SLC27A1: variants seen among roughly 807,000 people sequenced by gnomAD.
SLC27A1 encodes the protein long-chain fatty acid transport protein 1.
In SLC27A1, 61 loss-of-function variants were observed where a neutral mutation model predicts 62.2. The ratio of observed to expected loss-of-function variants is 0.98; its 90% CI spans 0.80 to 1.21. The LOEUF (loss-of-function observed/expected upper bound fraction) is 1.21, where lower values mean the gene tolerates loss of function less well. Ranked by LOEUF, SLC27A1 falls within the 50% of genes most tolerant of loss-of-function variation. SLC27A1 has a pLI of 0.00. For missense variants in SLC27A1, 903 were observed against 932.1 expected (o/e 0.97, Z 0.41); for synonymous variants, 435 against 408.6 (o/e 1.06, Z -0.78).
intron 7 of SLC27A1, 161 bp downstream of exon 7, chr19:17,497,625 C>A: frequency 4.4e-6 from 3 of 678,576 alleles, no homozygotes; most frequent in Non-Finnish European, 7.8e-6. Context: ...CTGGGACTCC[C>A]GGTGCACCAC....
chr19:17,483,616 A>G (rs1345943298), intron 1 of SLC27A1, among the ~76,000 whole-genome samples: 1 of 151,902 alleles, frequency 6.6e-6, no homozygotes, highest in African/African-American at 2.4e-5. Context: ...GAAATTGCGG[A>G]TGCTCTCCCC....
intron 11 of SLC27A1, among the ~76,000 whole-genome samples, chr19:17,502,335 GTTTTTTTT>G (rs2075424510): frequency 1.3e-5 from 1 of 75,902 alleles, no homozygotes; most frequent in African/African-American, 4.9e-5. Flanking sequence ...CTGAAATAGT[GTTTTTTTT>G]GTTTTTTTTT....
At chr19:17,483,493 T>A (rs2075200373) in intron 1 of SLC27A1, among the ~76,000 whole-genome samples, 1 of 152,046 alleles carries the variant, frequency 6.6e-6, no homozygotes, top group Admixed American at 6.6e-5. Context: ...CACTAGGAGT[T>A]CAGCAGCCTG....
In SLC27A1 at chr19:17,476,682, G is replaced by A. The variant is rs140279632; in HGVS notation, c.167+5975G>A. Reference sequence around the variant, plus strand: ...GTCTGCCAGGGATTAGAGGGACCCTGGGAGGAGGCTTTGTTTCTGGGTTGT... The same window carrying A: ...GTCTGCCAGGGATTAGAGGGACCCTAGGAGGAGGCTTTGTTTCTGGGTTGT... On this transcript the variant is annotated intron_variant, in intron 1 of 11. Coordinates refer to ENST00000252595, the MANE Select transcript of SLC27A1 (RefSeq NM_198580.3). 4.9e-3 allele frequency among the ~76,000 whole-genome samples: 746 copies of A among 152,224 alleles called. 3 individuals carry two copies. Among genetic ancestry groups the A allele is most frequent in the African/African-American group, 0.017 (714 of 41,542 alleles).
In SLC27A1 at chr19:17,501,128, A is replaced by G. The variant is rs1568425167; in HGVS notation, c.1637-145A>G. On this transcript the variant is annotated intron_variant, in intron 10 of 11. Transcript: ENST00000252595. ...AATGAGCCAAGCAGGAGCTCCACAAAATGTGTGGCTGCTTCCATAAATGTC... is the reference window on the plus strand; with the variant it reads ...AATGAGCCAAGCAGGAGCTCCACAAGATGTGTGGCTGCTTCCATAAATGTC... The G allele has an allele frequency of 1.8e-5, 23 of 1,284,360 alleles. No homozygotes were observed. The East Asian group carries it at 5.5e-4, about 31-fold the overall frequency. 79.6% of individuals were successfully genotyped at this position (1,284,360 alleles called of 1,614,324 possible).
intron 4 of SLC27A1, among the ~76,000 whole-genome samples, chr19:17,487,890 C>T (rs987415285): frequency 2.0e-5 from 3 of 151,856 alleles, no homozygotes; most frequent in Admixed American, 1.3e-4. Context: ...TACTTTTTTC[C>T]ATGCCCCCCA....
At position 17,500,282 on chromosome 19, in the gene SLC27A1, G is replaced by T. The variant is rs756068227; in HGVS notation, c.1211G>T (p.Gly404Val). The T allele has an allele frequency of 1.2e-6, 2 of 1,613,916 alleles. No individual in the cohort carries two copies. The highest frequency in any genetic ancestry group is 1.7e-5 in the Admixed American group (1 of 59,960). Residue 404 changes from glycine (G) to valine (V), a missense_variant, in exon 8 of 12, where the codon GGC (glycine) becomes GTC (valine). Physicochemically the swap from Gly to Val is moderately radical, Grantham distance 109. Coordinates refer to ENST00000252595, the MANE Select transcript of SLC27A1 (RefSeq NM_198580.3). Reference sequence around the variant, plus strand: ...ACTCAGTTCACCCCATTCCAGGTCGGCTCCTGTGGTTTCAACAGCCGCATC... The same window carrying T: ...ACTCAGTTCACCCCATTCCAGGTCGTCTCCTGTGGTTTCAACAGCCGCATC... ...CSIANMDGKV[G>V]SCGFNSRILP...
chr19:17,477,627 A>G (rs985220305), intron 1 of SLC27A1, among the ~76,000 whole-genome samples: 20 of 151,112 alleles, frequency 1.3e-4, no homozygotes, highest in Admixed American at 1.1e-3. Context: ...ATCTTGGCTC[A>G]CTGCAACCTC....
At chr19:17,481,938 A>G (rs898621005) in intron 1 of SLC27A1, among the ~76,000 whole-genome samples, 1 of 152,232 alleles carries the variant, frequency 6.6e-6, no homozygotes, top group Admixed American at 6.5e-5. Flanking sequence ...CTGGTGGGCC[A>G]GAACCTGCCC....
chr19:17,491,889 A>AAAAAAAGAAG (rs1568418988), intron 6 of SLC27A1, among the ~76,000 whole-genome samples: 1 of 151,898 alleles, frequency 6.6e-6, no homozygotes, highest in African/African-American at 2.4e-5. Flanking sequence ...AATAAAAAAA[A>AAAAAAAGAAG]GAAAAGAAAA....
In SLC27A1 at chr19:17,501,432, C is replaced by A; in HGVS notation, c.1783+13C>A. ...GTGGACACCACAGGTGCGAGTCTCC[C>A]CCACTCCAATCTCTCTCTTCATCCA... On this transcript the variant is annotated intron_variant, in intron 11 of 11. Transcript: ENST00000252595. 6.2e-7 allele frequency: 1 copy of A among 1,608,026 alleles called. No homozygotes were observed. Among genetic ancestry groups the A allele is most frequent in the Non-Finnish European group, 8.5e-7 (1 of 1,177,138 alleles).
intron 11 of SLC27A1, 92 bp downstream of exon 11, chr19:17,501,511 T>A: frequency 6.6e-7 from 1 of 1,511,778 alleles, no homozygotes; most frequent in Non-Finnish European, 8.9e-7. Flanking sequence ...TCTAAAAGAA[T>A]ACCTGGCCGG....
intron 6 of SLC27A1, chr19:17,495,957 G>T (rs1431090975): frequency 6.6e-6 from 1 of 152,482 alleles, no homozygotes; most frequent in African/African-American, 2.4e-5. Context: ...AAATGCATCT[G>T]GGGGAAGACT....
chr19:17,483,093 G>A (rs1349052295), intron 1 of SLC27A1, among the ~76,000 whole-genome samples: 1 of 152,080 alleles, frequency 6.6e-6, no homozygotes, highest in Non-Finnish European at 1.5e-5. Context: ...AGGGAAGGAG[G>A]GAATGAATGA....
intron 2 of SLC27A1, 39 bp from the exon 3 acceptor site, chr19:17,487,135 G>T: frequency 6.2e-7 from 1 of 1,613,080 alleles, no homozygotes; most frequent in Non-Finnish European, 8.5e-7. Flanking sequence ...GAGGGGGCCT[G>T]TCCGGCGGTG....
At chr19:17,476,875 G>C (rs1386441796) in intron 1 of SLC27A1, among the ~76,000 whole-genome samples, 1 of 135,018 alleles carries the variant, frequency 7.4e-6, no homozygotes, top group Non-Finnish European at 1.6e-5. Flanking sequence ...CACTGAGAAT[G>C]ATCATCTGTT....
chr19:17,494,752 C>A (rs1010973193), intron 6 of SLC27A1, among the ~76,000 whole-genome samples: 32 of 151,062 alleles, frequency 2.1e-4, no homozygotes, highest in African/African-American at 6.8e-4. Context: ...ATTTCTTGGG[C>A]TGCTTTTTGT....
At chr19:17,501,016 C>T in intron 10 of SLC27A1, 140 bp downstream of exon 10, 1 of 1,122,114 alleles carries the variant, frequency 8.9e-7, no homozygotes. Flanking sequence ...AGCACTGGAT[C>T]TGGAGCCAGT....
At chr19:17,503,176 G>A (rs538862502) in intron 11 of SLC27A1, among the ~76,000 whole-genome samples, 155 of 152,084 alleles carry the variant, frequency 1.0e-3, no homozygotes, top group Non-Finnish European at 1.7e-3. Flanking sequence ...ACCTCCCACC[G>A]GGTCCCTCCC....
Sources: allele counts gnomAD v4.1 joint callset (sites outside exome capture counted in the v4.1 genomes callset), GRCh38; gene constraint gnomAD v4.1.1; transcripts MANE v1.5; gene names NCBI Gene and HGNC (gene_info 2026-07-23, HGNC 2026-07-21).